CSMD1: variants seen among roughly 807,000 people sequenced by gnomAD.
The protein encoded by CSMD1 is CUB and Sushi multiple domains 1, also known as CUB and sushi domain-containing protein 1.
CSMD1 carries 213 observed loss-of-function variants against 417.5 expected under a neutral mutation model. That is an observed-to-expected ratio of 0.51 (90% confidence interval 0.46 to 0.57). CSMD1 has a LOEUF of 0.57. Among genes scored for constraint, CSMD1 ranks in the 20% least tolerant of loss-of-function variants. CSMD1 has a pLI of 0.00. For missense variants in CSMD1, 6,923 were observed against 4,529.7 expected, an observed-to-expected ratio of 1.53 and a Z score of -15.17; for synonymous variants, 2,862 against 1,736.8, an observed-to-expected ratio of 1.65 and a Z score of -16.11.
chr8:3,046,738 A>G (rs1305060770), intron 50 of CSMD1, among the ~76,000 whole-genome samples: 1 of 152,164 alleles, frequency 6.6e-6, no homozygotes, highest in East Asian at 1.9e-4. Context: ...AAGACTTCCA[A>G]CACTTCCCTA....
chr8:3,155,359 A>ATTTATTTTTTTTTTTT, intron 39 of CSMD1, among the ~76,000 whole-genome samples: 1 of 43,316 alleles, frequency 2.3e-5, no homozygotes, highest in Non-Finnish European at 4.7e-5. Flanking sequence ...CAAGGCTGGG[A>ATTTATTTTTTTTTTTT]TTTTTTTTTT....
chr8:4,807,007 A>G (rs2117313157), intron 1 of CSMD1, among the ~76,000 whole-genome samples: 1 of 152,330 alleles, frequency 6.6e-6, no homozygotes, highest in Non-Finnish European at 1.5e-5. Context: ...CTAACTTCAA[A>G]TGTTATCTGG....
At chr8:4,017,239 T>C (rs1176310584) in intron 4 of CSMD1, among the ~76,000 whole-genome samples, 2 of 152,220 alleles carry the variant, frequency 1.3e-5, no homozygotes, top group African/African-American at 4.8e-5. Context: ...GCACTATTTT[T>C]TTCACAATTC....
intron 3 of CSMD1, among the ~76,000 whole-genome samples, chr8:4,049,297 G>A (rs890210482): frequency 6.6e-6 from 1 of 151,750 alleles, no homozygotes; most frequent in Non-Finnish European, 1.5e-5. Flanking sequence ...TCTGGCTGTA[G>A]GACATTTTGC....
intron 10 of CSMD1, among the ~76,000 whole-genome samples, chr8:3,566,572 A>C (rs1296186691): frequency 7.0e-6 from 1 of 143,020 alleles, no homozygotes; most frequent in Admixed American, 7.5e-5. Context: ...TTATTGAAAA[A>C]GAACTTAGAT....
At chr8:4,493,702 T>C (rs1295008041) in intron 2 of CSMD1, among the ~76,000 whole-genome samples, 1 of 152,108 alleles carries the variant, frequency 6.6e-6, no homozygotes, top group Non-Finnish European at 1.5e-5. Context: ...CTCAAAAGAA[T>C]ATCTTAAAAT....
At chr8:3,252,692 G>C (rs1349802586) in intron 26 of CSMD1, among the ~76,000 whole-genome samples, 1 of 152,088 alleles carries the variant, frequency 6.6e-6, no homozygotes, top group Non-Finnish European at 1.5e-5. Context: ...ATCTGGTCCT[G>C]GACTTTTTTT....
At position 4,315,207 on chromosome 8, in the gene CSMD1, G is replaced by A. The variant is rs1431109074; in HGVS notation, c.415+104746C>T. The stretch of plus-strand genomic sequence containing the variant: ...CCAGCTTCCACACCTACCAGAGGTG[G>A]CACTTTCTGCTCAAAGGAAAGCCCA... On this transcript the variant is annotated intron_variant, in intron 3 of 69. Transcript: ENST00000635120. Among the ~76,000 whole-genome samples the A allele has an allele frequency of 2.6e-5, 4 of 152,276 alleles. No homozygotes were observed. The South Asian group carries it at 6.2e-4, about 24-fold the overall frequency.
At chr8:4,855,209 T>C (rs1801725250) in intron 1 of CSMD1, among the ~76,000 whole-genome samples, 1 of 149,932 alleles carries the variant, frequency 6.7e-6, no homozygotes, top group African/African-American at 2.4e-5. Flanking sequence ...CGGTCCTCTT[T>C]GTTAGAAGAA....
At chr8:4,808,132 G>T (rs554100855) in intron 1 of CSMD1, among the ~76,000 whole-genome samples, 3 of 152,166 alleles carry the variant, frequency 2.0e-5, no homozygotes, top group African/African-American at 7.2e-5. Context: ...ACACAAAAGA[G>T]GAATCCACCA....
intron 3 of CSMD1, among the ~76,000 whole-genome samples, chr8:4,325,362 A>G: frequency 6.6e-6 from 1 of 152,124 alleles, no homozygotes; most frequent in East Asian, 1.9e-4. Context: ...GAAGTCTTAG[A>G]TAATCCCAAG....
intron 18 of CSMD1, among the ~76,000 whole-genome samples, chr8:3,378,061 A>G (rs977690756): frequency 6.6e-6 from 1 of 152,186 alleles, no homozygotes; most frequent in African/African-American, 2.4e-5. Context: ...AAATAATGCA[A>G]CATGTAAGGA....
intron 3 of CSMD1, among the ~76,000 whole-genome samples, chr8:4,062,572 T>C (rs79853875): frequency 5.7e-4 from 86 of 152,188 alleles, no homozygotes; most frequent in African/African-American, 2.1e-3. Context: ...ACATATCCTA[T>C]AAAAGTTTTC....
chr8:3,166,417 C>G (rs1484342868), intron 37 of CSMD1, among the ~76,000 whole-genome samples: 1 of 152,040 alleles, frequency 6.6e-6, no homozygotes, highest in Non-Finnish European at 1.5e-5. Flanking sequence ...ACCTGTAGTC[C>G]CACCTACTCG....
chr8:3,962,206 G>A (rs533644053), intron 5 of CSMD1, among the ~76,000 whole-genome samples: 1 of 152,130 alleles, frequency 6.6e-6, no homozygotes, highest in Admixed American at 6.5e-5. Flanking sequence ...TCCAGAATGG[G>A]ATTGTTTTGC....
chr8:4,565,471 C>G (rs139280802), intron 2 of CSMD1, among the ~76,000 whole-genome samples: 1 of 152,118 alleles, frequency 6.6e-6, no homozygotes, highest in Non-Finnish European at 1.5e-5. Context: ...GGCATAGTGG[C>G]TCACACCTGT....
chr8:3,991,805 G>C (rs1212007184), intron 5 of CSMD1, among the ~76,000 whole-genome samples: 3 of 152,084 alleles, frequency 2.0e-5, no homozygotes, highest in African/African-American at 7.2e-5. Flanking sequence ...CTCTCTTCAA[G>C]TCTCCACACT....
intron 1 of CSMD1, among the ~76,000 whole-genome samples, chr8:4,754,915 G>C (rs1811573846): frequency 6.6e-6 from 1 of 151,834 alleles, no homozygotes. Flanking sequence ...AAGGTGGGTG[G>C]ATCACAAGGT....
intron 5 of CSMD1, among the ~76,000 whole-genome samples, chr8:3,922,147 T>A (rs1322266365): frequency 6.6e-6 from 1 of 152,166 alleles, no homozygotes; most frequent in Non-Finnish European, 1.5e-5. Context: ...CTTTCATGTT[T>A]CCGTTTTTGC....
Sources: allele counts gnomAD v4.1 joint callset (sites outside exome capture counted in the v4.1 genomes callset), GRCh38; gene constraint gnomAD v4.1.1; transcripts MANE v1.5; gene names NCBI Gene and HGNC (gene_info 2026-07-23, HGNC 2026-07-21).